Variants in LTAP1 observed in about 807,000 individuals in gnomAD.
The protein encoded by LTAP1 is HCV NS5A-transactivated protein 4.
At chr1:154,215,594 A>G in the LTAP1 span, among the ~76,000 whole-genome samples, 2 of 151,508 alleles carry the variant, frequency 1.3e-5, no homozygotes, top group African/African-American at 4.8e-5. Context: ...TAAAGGTAGC[A>G]CCTCTCAGTT....
chr1:154,212,838 T>C, the LTAP1 span: 1 of 538,438 alleles, frequency 1.9e-6, no homozygotes, highest in Non-Finnish European at 3.3e-6. Flanking sequence ...ATTTTTGTAT[T>C]TTTAGTAGAG....
At chr1:154,215,749 A>T in the LTAP1 span, among the ~76,000 whole-genome samples, 3 of 152,224 alleles carry the variant, frequency 2.0e-5, no homozygotes, top group South Asian at 6.2e-4. Context: ...CAGGTAACAT[A>T]GATGTACATT....
At chr1:154,211,168 C>CTGGCATTTTTTG in the LTAP1 span, among the ~76,000 whole-genome samples, 9,681 of 151,350 alleles carry the variant, frequency 0.064, 1,058 homozygotes, top group African/African-American at 0.22. Context: ...GCATGCCCAG[C>CTGGCATTTTTTG]TAATTTTTGT....
At chr1:154,212,006 G>A in the LTAP1 span, 17 of 284,274 alleles carry the variant, frequency 6.0e-5, 1 homozygote, top group Non-Finnish European at 9.0e-5. Flanking sequence ...ACAGGCATGC[G>A]CCACCACGCC....
chr1:154,207,720 A>G, the LTAP1 span: 2 of 1,255,160 alleles, frequency 1.6e-6, no homozygotes, highest in African/African-American at 1.5e-5. Flanking sequence ...ATCCCAGGCC[A>G]TAAATGCAGC....
chr1:154,220,009 C>T, the LTAP1 span: 5 of 1,259,566 alleles, frequency 4.0e-6, no homozygotes, highest in Admixed American at 1.2e-4. Flanking sequence ...AAAAAGCATG[C>T]CTTCATTCCA....
chr1:154,220,415 C>T, the LTAP1 span: 3 of 1,614,212 alleles, frequency 1.9e-6, no homozygotes, highest in Non-Finnish European at 2.5e-6. Flanking sequence ...CATGGCCTCC[C>T]TACCTCGCGC....
the LTAP1 span, chr1:154,207,225 C>T: frequency 2.0e-5 from 8 of 402,944 alleles, no homozygotes; most frequent in East Asian, 8.5e-5. Context: ...CAGAAAAAAG[C>T]GCTACTGGGG....
the LTAP1 span, among the ~76,000 whole-genome samples, chr1:154,218,198 G>GC: frequency 6.6e-6 from 1 of 152,188 alleles, no homozygotes; most frequent in African/African-American, 2.4e-5. Context: ...GTACACATGA[G>GC]CAAAACTTAA....
the LTAP1 span, among the ~76,000 whole-genome samples, chr1:154,216,722 G>A: frequency 1.3e-5 from 2 of 151,800 alleles, no homozygotes; most frequent in East Asian, 1.9e-4. Flanking sequence ...CACCATGCTC[G>A]CCAGGCTGGT....
At chr1:154,207,762 T>C in the LTAP1 span, 1 of 867,880 alleles carries the variant, frequency 1.2e-6, no homozygotes, top group Non-Finnish European at 1.8e-6. Flanking sequence ...GTGTCCTATC[T>C]GTCCTATTTT....
chr1:154,218,900 T>C, the LTAP1 span, among the ~76,000 whole-genome samples: 2 of 152,194 alleles, frequency 1.3e-5, no homozygotes, highest in African/African-American at 2.4e-5. Flanking sequence ...GGAACCTACT[T>C]TAAAATAGGT....
At chr1:154,214,621 C>T in the LTAP1 span, 4 of 1,239,296 alleles carry the variant, frequency 3.2e-6, no homozygotes, top group Middle Eastern at 2.0e-4. Context: ...CTGCACTCTG[C>T]TTTCCACCAA....
the LTAP1 span, chr1:154,207,450 C>A: frequency 1.2e-6 from 2 of 1,613,874 alleles, no homozygotes; most frequent in South Asian, 1.1e-5. Flanking sequence ...TCCTTCAGCT[C>A]CGTCACAGAG....
the LTAP1 span, among the ~76,000 whole-genome samples, chr1:154,215,949 T>C: frequency 6.6e-6 from 1 of 151,862 alleles, no homozygotes; most frequent in Non-Finnish European, 1.5e-5. Context: ...GCCATTCTCC[T>C]GCCTCAGCCT....
At chr1:154,211,324 C>CTTT in the LTAP1 span, among the ~76,000 whole-genome samples, 492 of 34,068 alleles carry the variant, frequency 0.014, 52 homozygotes, top group Middle Eastern at 0.053. Flanking sequence ...TTATTTAATT[C>CTTT]TTTTTTTTTT....
chr1:154,212,546 C>A, the LTAP1 span: 1 of 1,614,186 alleles, frequency 6.2e-7, no homozygotes, highest in South Asian at 1.1e-5. Context: ...ACTAGTGTTT[C>A]GCAGATCCAG....
chr1:154,209,397 GT>G, the LTAP1 span, among the ~76,000 whole-genome samples: 1 of 138,774 alleles, frequency 7.2e-6, no homozygotes, highest in Non-Finnish European at 1.6e-5. Context: ...CTTTCTACAT[GT>G]TCATTTTCAT....
At chr1:154,214,323 G>A in the LTAP1 span, 3 of 670,172 alleles carry the variant, frequency 4.5e-6, no homozygotes, top group African/African-American at 5.4e-5. Flanking sequence ...CTAATAAATG[G>A]GCTCTGCATC....
Sources: gnomAD v4.1 joint callset for allele counts (sites outside exome capture counted in the v4.1 genomes callset) on GRCh38, gnomAD v4.1.1 for gene constraint, MANE v1.5 for transcripts, NCBI Gene and HGNC (gene_info 2026-07-23, HGNC 2026-07-21) for gene names.